Variants in TNNI3K observed in about 807,000 individuals in gnomAD.
TNNI3K encodes TNNI3 interacting kinase.
Under a neutral mutation model 114.5 loss-of-function variants are expected in TNNI3K, and 140 were observed. The ratio of observed to expected loss-of-function variants is 1.22; its 90% CI spans 1.07 to 1.41. The LOEUF (loss-of-function observed/expected upper bound fraction) is 1.41. TNNI3K is among the 40% of genes most tolerant of loss of function. The pLI is 0.00. For synonymous variants in TNNI3K, 347 were observed against 347.5 expected, an observed-to-expected ratio of 1.00 and a Z score of 0.02; for missense variants, 1,125 against 1,007.6, an observed-to-expected ratio of 1.12 and a Z score of -1.58.
At chr1:74,474,423 G>A (rs186320083) in intron 21 of TNNI3K, among the ~76,000 whole-genome samples, 11 of 152,140 alleles carry the variant, frequency 7.2e-5, no homozygotes, top group Middle Eastern at 6.8e-3. Context: ...TATAACATAC[G>A]TGAAATAACA....
At chr1:74,353,878 C>A in intron 10 of TNNI3K, 102 bp from the exon 11 acceptor site, 1 of 1,427,000 alleles carries the variant, frequency 7.0e-7, no homozygotes, top group Non-Finnish European at 9.3e-7. Flanking sequence ...TACTTCATAC[C>A]TTTGGAAATA....
intron 5 of TNNI3K, among the ~76,000 whole-genome samples, chr1:74,325,697 A>G (rs1659862960): frequency 6.6e-6 from 1 of 152,116 alleles, no homozygotes; most frequent in Non-Finnish European, 1.5e-5. Flanking sequence ...GAGGTGAGGA[A>G]AGGTAGAGGA....
At chr1:74,342,696 G>C in intron 7 of TNNI3K, 146 bp from the exon 8 acceptor site, 1 of 1,004,170 alleles carries the variant, frequency 1.0e-6, no homozygotes, top group Non-Finnish European at 1.4e-6. Context: ...AAAATTGGTC[G>C]CCCTTAATTT....
intron 5 of TNNI3K, among the ~76,000 whole-genome samples, chr1:74,277,707 C>A (rs904965896): frequency 8.5e-5 from 13 of 152,190 alleles, no homozygotes; most frequent in African/African-American, 2.9e-4. Context: ...CCGTTGACAA[C>A]TGTTTGAGCA....
chr1:74,262,285 C>T (rs1424382632), intron 4 of TNNI3K, among the ~76,000 whole-genome samples: 1 of 152,054 alleles, frequency 6.6e-6, no homozygotes, highest in Non-Finnish European at 1.5e-5. Context: ...GTCCTCTGTT[C>T]TCTAGATGAG....
chr1:74,465,437 A>G (rs932685826), intron 21 of TNNI3K, among the ~76,000 whole-genome samples: 1 of 152,150 alleles, frequency 6.6e-6, no homozygotes, highest in African/African-American at 2.4e-5. Flanking sequence ...AGGTCCCGCA[A>G]CACTGCTGGC....
At position 74,463,555 on chromosome 1, in the gene TNNI3K, G is replaced by A; in HGVS notation, c.2121+5G>A. Reference sequence around the variant, plus strand: ...GGGTGGAACGCATGTCCTGAAGTGAGTAATTTTTATTTCCTCTTAGAAAAT... The same window carrying A: ...GGGTGGAACGCATGTCCTGAAGTGAATAATTTTTATTTCCTCTTAGAAAAT... On this transcript the variant is annotated splice_donor_5th_base_variant and intron_variant, in intron 21 of 24. Coordinates refer to ENST00000326637, the MANE Select transcript of TNNI3K (RefSeq NM_015978.3). The A allele has an allele frequency of 1.2e-6, 2 of 1,613,960 alleles. No homozygotes were observed. The highest frequency in any genetic ancestry group is 1.7e-6 in the Non-Finnish European group (2 of 1,179,898).
intron 23 of TNNI3K, among the ~76,000 whole-genome samples, chr1:74,510,543 A>C (rs1337847150): frequency 1.3e-5 from 2 of 152,068 alleles, no homozygotes; most frequent in East Asian, 3.9e-4. Context: ...TTATTGAGAG[A>C]TTGTCAAATC....
chr1:74,504,926 A>G (rs894081516), intron 23 of TNNI3K, among the ~76,000 whole-genome samples: 2 of 152,222 alleles, frequency 1.3e-5, no homozygotes, highest in Non-Finnish European at 2.9e-5. Flanking sequence ...CCACATGAAG[A>G]GAACCTGCGA....
chr1:74,389,343 T>C (rs1480929001), intron 17 of TNNI3K, among the ~76,000 whole-genome samples: 1 of 152,192 alleles, frequency 6.6e-6, no homozygotes, highest in Non-Finnish European at 1.5e-5. Flanking sequence ...GGGTAGATAA[T>C]GATGCACACA....
At chr1:74,338,368 A>C (rs1660586184) in intron 7 of TNNI3K, among the ~76,000 whole-genome samples, 1 of 152,056 alleles carries the variant, frequency 6.6e-6, no homozygotes, top group African/African-American at 2.4e-5. Context: ...TTATAAAATA[A>C]ATTTTGGAAA....
chr1:74,400,703 C>T (rs1474998847), intron 17 of TNNI3K, among the ~76,000 whole-genome samples: 1 of 152,194 alleles, frequency 6.6e-6, no homozygotes, highest in Non-Finnish European at 1.5e-5. Context: ...GGGCAGAGTT[C>T]AATAAGCTCA....
At chr1:74,261,913 G>A (rs939301872) in intron 4 of TNNI3K, among the ~76,000 whole-genome samples, 5 of 151,970 alleles carry the variant, frequency 3.3e-5, no homozygotes, top group Non-Finnish European at 7.4e-5. Flanking sequence ...GACATGAATG[G>A]GGGAAAAATC....
chr1:74,271,822 G>T, intron 5 of TNNI3K, 114 bp downstream of exon 5: 1 of 845,438 alleles, frequency 1.2e-6, no homozygotes. Context: ...TTATTTTTTA[G>T]CTACTGAACA....
Position 74,489,228 on chromosome 1 carries a change from G to A in TNNI3K, c.2161G>A (p.Glu721Lys). ...TTCTGAAGTTGTCATGAAGTTAGAA[G>A]AGTGTCTCTGCAACATTGAGGTAAA... ...EFSEVVMKLE[E>K]CLCNIELMSP... The change falls in exon 22 of 25, where the codon GAG becomes AAG. Residue 721 changes from glutamate (E) to lysine (K), a missense_variant. Coordinates refer to ENST00000326637, the MANE Select transcript of TNNI3K (RefSeq NM_015978.3). 3 of 1,612,298 alleles carry A rather than the reference G, an allele frequency of 1.9e-6. No homozygotes were observed. Among genetic ancestry groups the A allele is most frequent in the Non-Finnish European group, 2.5e-6 (3 of 1,179,242 alleles).
intron 20 of TNNI3K, among the ~76,000 whole-genome samples, chr1:74,451,690 T>TC (rs1553148017): frequency 7.7e-5 from 3 of 39,162 alleles, no homozygotes; most frequent in Non-Finnish European, 1.7e-4. Context: ...TTCTTTTCTT[T>TC]CTTTCTTTCT....
intron 23 of TNNI3K, among the ~76,000 whole-genome samples, chr1:74,505,113 G>A (rs759430344): frequency 1.3e-5 from 2 of 152,134 alleles, no homozygotes; most frequent in Non-Finnish European, 2.9e-5. Flanking sequence ...AGGAGGGCCC[G>A]GGCCCACTCT....
intron 17 of TNNI3K, among the ~76,000 whole-genome samples, chr1:74,383,575 T>C (rs1179653546): frequency 6.6e-6 from 1 of 152,096 alleles, no homozygotes; most frequent in Non-Finnish European, 1.5e-5. Context: ...TCAGGAGAGC[T>C]CTTCTCATGC....
intron 17 of TNNI3K, among the ~76,000 whole-genome samples, chr1:74,393,983 A>G (rs888925973): frequency 6.6e-6 from 1 of 152,206 alleles, no homozygotes; most frequent in Admixed American, 6.5e-5. Flanking sequence ...CCAGTTTCTA[A>G]CAGGCCACAG....
Sources: allele counts gnomAD v4.1 joint callset (sites outside exome capture counted in the v4.1 genomes callset), GRCh38; gene constraint gnomAD v4.1.1; transcripts MANE v1.5; gene names NCBI Gene and HGNC (gene_info 2026-07-23, HGNC 2026-07-21).